The following ZMYM1 variants were observed in gnomAD, a reference collection of about 807,000 sequenced individuals.
The protein encoded by ZMYM1 is zinc finger MYM-type protein 1.
A neutral mutation model predicts 60.0 loss-of-function variants in ZMYM1; 39 were observed. The ratio of observed to expected loss-of-function variants is 0.65; its 90% CI spans 0.50 to 0.85. The LOEUF is 0.85. Among genes scored for constraint, ZMYM1 ranks in the 40% least tolerant of loss-of-function variants. The pLI is 0.00. For synonymous variants in ZMYM1, 413 were observed against 454.0 expected (o/e 0.91, Z 1.15); for missense variants, 1,171 against 1,309.5 (o/e 0.89, Z 1.63).
intron 1 of ZMYM1, among the ~76,000 whole-genome samples, chr1:35,061,802 A>T (rs1386417234): frequency 7.5e-6 from 1 of 133,522 alleles, no homozygotes; most frequent in Non-Finnish European, 1.5e-5. Flanking sequence ...AAATATAGAC[A>T]TCTTATTTCC....
intron 6 of ZMYM1, 110 bp from the exon 7 acceptor site, chr1:35,110,182 CTT>C: frequency 2.5e-6 from 2 of 809,566 alleles, no homozygotes; most frequent in South Asian, 1.0e-4. Flanking sequence ...TAAAAACTGT[CTT>C]AATTGTTATT....
At chr1:35,060,234 A>G (rs1446529139) in intron 1 of ZMYM1, among the ~76,000 whole-genome samples, 5 of 151,458 alleles carry the variant, frequency 3.3e-5, no homozygotes, top group Non-Finnish European at 5.9e-5. Context: ...CAATAGCGCA[A>G]TCTCGGCTCA....
At chr1:35,066,706 A>C (rs1641979436) in intron 1 of ZMYM1, among the ~76,000 whole-genome samples, 2 of 152,268 alleles carry the variant, frequency 1.3e-5, no homozygotes, top group South Asian at 2.1e-4. Flanking sequence ...TGATCCATAA[A>C]TTTCACACAA....
At chr1:35,075,931 C>T (rs1642158959), upstream of ZMYM1, among the ~76,000 whole-genome samples, 1 of 152,138 alleles carries the variant, frequency 6.6e-6, no homozygotes, top group Admixed American at 6.6e-5. Flanking sequence ...ACCCAATTCC[C>T]CAATACCTAT....
chr1:35,098,434 A>C (rs1383967303), intron 4 of ZMYM1, among the ~76,000 whole-genome samples: 1 of 152,260 alleles, frequency 6.6e-6, no homozygotes, highest in Non-Finnish European at 1.5e-5. Flanking sequence ...TGTTCAGAAC[A>C]AGAAAATCCA....
chr1:35,068,130 T>C (rs1031985385), intron 1 of ZMYM1, among the ~76,000 whole-genome samples: 4 of 151,624 alleles, frequency 2.6e-5, no homozygotes, highest in African/African-American at 7.3e-5. Context: ...AATCAAGAAA[T>C]TGTGTTGGCC....
At chr1:35,084,528 T>C (rs1418559884) in intron 1 of ZMYM1, among the ~76,000 whole-genome samples, 3 of 152,198 alleles carry the variant, frequency 2.0e-5, no homozygotes, top group African/African-American at 7.2e-5. Context: ...TCTATTTCAG[T>C]TTGTCCTTTC....
rs913468374 is a variant in ZMYM1, at chr1:35,091,100, A to T, written c.-74-2814A>T. On this transcript the variant is annotated intron_variant, in intron 1 of 9. Coordinates refer to ENST00000359858, the MANE Select transcript of ZMYM1 (RefSeq NM_024772.5). ...TTACCAAAAAAAAGGAATATCTGTA[A>T]AACAGGTTTGTGGGGGTAATAAAAG... Among the ~76,000 whole-genome samples, 8 of 152,326 alleles carry T rather than the reference A, an allele frequency of 5.3e-5. No individual in the cohort carries two copies. In the East Asian group the frequency reaches 1.5e-3, roughly 29 times the overall value.
chr1:35,084,758 T>C (rs1642567922), intron 1 of ZMYM1, among the ~76,000 whole-genome samples: 1 of 152,216 alleles, frequency 6.6e-6, no homozygotes, highest in South Asian at 2.1e-4. Context: ...ACTCTGTAAA[T>C]GTGCAGTTTA....
At chr1:35,067,354 C>T (rs1221303827) in intron 1 of ZMYM1, among the ~76,000 whole-genome samples, 3 of 152,036 alleles carry the variant, frequency 2.0e-5, no homozygotes, top group African/African-American at 7.2e-5. Context: ...GTGGTGTGAT[C>T]ACAGCTCACT....
intron 4 of ZMYM1, 60 bp downstream of exon 4, chr1:35,097,626 T>C (rs778518831): frequency 6.3e-7 from 1 of 1,575,030 alleles, no homozygotes. Flanking sequence ...ATCATAGTCT[T>C]AGTTGTAATT....
In ZMYM1 at chr1:35,097,528, ACCAGTTCCTTCT is replaced by A. The variant is rs1247379474; in HGVS notation, c.382_393del (p.Pro128_Ser131del). Reference sequence around the variant, plus strand: ...CTGAATACATTTCATCTGCCAGTTCACCAGTTCCTTCTAAGAGAACTTGTTCAAACTGCTCAA... The same window carrying A: ...CTGAATACATTTCATCTGCCAGTTCAAAGAGAACTTGTTCAAACTGCTCAA... On this transcript the variant is annotated inframe_deletion, in exon 4 of 10. Transcript: ENST00000359858. 1 of 1,614,220 alleles carries A rather than the reference ACCAGTTCCTTCT, an allele frequency of 6.2e-7. No homozygotes were observed. The highest frequency in any genetic ancestry group is 8.5e-7 in the Non-Finnish European group (1 of 1,180,020).
chr1:35,061,325 A>G (rs972847405), intron 1 of ZMYM1, among the ~76,000 whole-genome samples: 1 of 152,242 alleles, frequency 6.6e-6, no homozygotes, highest in African/African-American at 2.4e-5. Flanking sequence ...TAAACTGTTA[A>G]TAACATTTAA....
intron 9 of ZMYM1, among the ~76,000 whole-genome samples, chr1:35,112,528 AATAT>A (rs1034123783): frequency 7.1e-6 from 1 of 141,536 alleles, no homozygotes; most frequent in Non-Finnish European, 1.5e-5. Context: ...TAAAAATATA[AATAT>A]ATAATATAAA....
At chr1:35,079,883 G>A (rs1642278996) in intron 1 of ZMYM1, among the ~76,000 whole-genome samples, 1 of 152,160 alleles carries the variant, frequency 6.6e-6, no homozygotes, top group Admixed American at 6.5e-5. Flanking sequence ...AGGCCCAGGC[G>A]GGCGGATCTC....
chr1:35,095,770 A>G, intron 2 of ZMYM1, 49 bp from the exon 3 acceptor site: 1 of 1,398,258 alleles, frequency 7.2e-7, no homozygotes, highest in South Asian at 1.3e-5. Context: ...GGTTGTCTTA[A>G]ATTCATTGTA....
chr1:35,109,563 C>T (rs1644015285), intron 6 of ZMYM1, among the ~76,000 whole-genome samples: 1 of 152,152 alleles, frequency 6.6e-6, no homozygotes, highest in African/African-American at 2.4e-5. Flanking sequence ...GTGATTCCCA[C>T]AGTATCTTGT....
intron 1 of ZMYM1, among the ~76,000 whole-genome samples, chr1:35,086,848 A>G (rs1557647715): frequency 6.6e-6 from 1 of 150,900 alleles, no homozygotes; most frequent in African/African-American, 2.4e-5. Flanking sequence ...CGCTTGGCTA[A>G]TTTTTTTTGT....
At position 35,093,982 on chromosome 1, in the gene ZMYM1, A is replaced by C; in HGVS notation, c.-6A>C. The C allele has an allele frequency of 6.3e-7, 1 of 1,591,466 alleles. No homozygotes were observed. Among genetic ancestry groups the C allele is most frequent in the Non-Finnish European group, 8.6e-7 (1 of 1,168,944 alleles). ...ACTGGAGAATTCCTTTGCATCAGAT[A>C]CTAAAATGAAAGAACCACTTTTAGG... On this transcript the variant is annotated 5_prime_UTR_variant, in exon 2 of 10. Transcript: ENST00000359858.
Sources: gnomAD v4.1 joint callset for allele counts (sites outside exome capture counted in the v4.1 genomes callset) on GRCh38, gnomAD v4.1.1 for gene constraint, MANE v1.5 for transcripts, NCBI Gene and HGNC (gene_info 2026-07-23, HGNC 2026-07-21) for gene names.